The following CREB5 variants were observed in gnomAD, a reference collection of about 807,000 sequenced individuals.
CREB5 encodes the protein cyclic AMP-responsive element-binding protein 5.
CREB5 carries 19 observed loss-of-function variants against 57.1 expected under a neutral mutation model. That is an observed-to-expected ratio of 0.33 (90% CI 0.23 to 0.49). The LOEUF (loss-of-function observed/expected upper bound fraction) is 0.49. CREB5 is among the 20% of genes least tolerant of loss of function. The probability of loss-of-function intolerance (pLI) is 0.99; values close to 1 mark genes in which losing one functional copy is unlikely to be tolerated. For synonymous variants in CREB5, 238 were observed against 238.3 expected, an observed-to-expected ratio of 1.00 and a Z score of 0.01; for missense variants, 579 against 671.6, an observed-to-expected ratio of 0.86 and a Z score of 1.52.
chr7:28,392,448 G>A (rs1327992679), intron 1 of CREB5, among the ~76,000 whole-genome samples: 2 of 151,868 alleles, frequency 1.3e-5, no homozygotes, highest in Admixed American at 6.6e-5. Context: ...AAATAATTGC[G>A]GTTTTTGGTA....
intron 1 of CREB5, among the ~76,000 whole-genome samples, chr7:28,333,073 A>C (rs1483598510): frequency 6.6e-6 from 1 of 152,220 alleles, no homozygotes; most frequent in Non-Finnish European, 1.5e-5. Context: ...CTCTGTAATT[A>C]ACTAAAACCC....
chr7:28,445,387 T>C (rs1789392423), intron 1 of CREB5, among the ~76,000 whole-genome samples: 1 of 152,144 alleles, frequency 6.6e-6, no homozygotes, highest in South Asian at 2.1e-4. Context: ...TCAGATAGGC[T>C]CTGCCTATCA....
intron 5 of CREB5, among the ~76,000 whole-genome samples, chr7:28,685,596 T>C (rs10255031): frequency 0.061 from 9,251 of 151,934 alleles, 970 homozygotes; most frequent in African/African-American, 0.21. Flanking sequence ...CCTGCCATCT[T>C]TCACTCCCTG....
chr7:28,341,919 T>A (rs1785944797), intron 1 of CREB5, among the ~76,000 whole-genome samples: 1 of 152,120 alleles, frequency 6.6e-6, no homozygotes, highest in Non-Finnish European at 1.5e-5. Context: ...GAAAGTGAGG[T>A]TTTGAGTTGA....
intron 9 of CREB5, among the ~76,000 whole-genome samples, chr7:28,816,643 A>G (rs1368798278): frequency 6.6e-6 from 1 of 152,248 alleles, no homozygotes; most frequent in Admixed American, 6.5e-5. Flanking sequence ...CAAGAAATTT[A>G]GAAATGGGAG....
chr7:28,671,419 C>T lies in CREB5; in HGVS notation c.465-47334C>T, dbSNP rs141107779. The stretch of plus-strand genomic sequence containing the variant: ...CTCTTATCGCTTGCTTTAGCATAAG[C>T]ATAATTTTGGGTAACTTGGGTGACT... On this transcript the variant is annotated intron_variant, in intron 5 of 10. Coordinates refer to ENST00000357727, the MANE Select transcript of CREB5 (RefSeq NM_182898.4). 7.9e-5 allele frequency among the ~76,000 whole-genome samples: 12 copies of T among 152,214 alleles called. No individual in the cohort carries two copies. In the South Asian group the frequency reaches 1.9e-3, roughly 24 times the overall value.
In CREB5 at chr7:28,560,919, T is replaced by TGCGTGCGCGCGCGCGTGC. The variant is rs1562797827; in HGVS notation, c.292-9445_292-9444insCGTGCGCGCGCGCGTGCG. Reference sequence around the variant, plus strand: ...GTGCGTGCGCGCGTGCGTGTGCGTGTGTGCGCGTGCGTGTGTGCGTGCGTG... The same window carrying TGCGTGCGCGCGCGCGTGC: ...GTGCGTGCGCGCGTGCGTGTGCGTGTGCGTGCGCGCGCGCGTGCGTGCGCGTGCGTGTGTGCGTGCGTG... On this transcript the variant is annotated intron_variant, in intron 4 of 10. Coordinates refer to ENST00000357727, the MANE Select transcript of CREB5 (RefSeq NM_182898.4). Among the ~76,000 whole-genome samples, 181 of 42,952 alleles carry TGCGTGCGCGCGCGCGTGC rather than the reference T, an allele frequency of 4.2e-3. 7 individuals carry two copies. Among genetic ancestry groups the TGCGTGCGCGCGCGCGTGC allele is most frequent in the African/African-American group, 9.0e-3 (86 of 9,556 alleles). 28.2% of individuals were successfully genotyped at this position (42,952 alleles called of 152,430 possible).
chr7:28,453,213 G>A (rs1447122611), intron 1 of CREB5, among the ~76,000 whole-genome samples: 1 of 152,154 alleles, frequency 6.6e-6, no homozygotes, highest in Non-Finnish European at 1.5e-5. Flanking sequence ...CAAGGTGGGA[G>A]GATTGCTTGA....
At chr7:28,414,452 A>T (rs1787947737) in intron 1 of CREB5, among the ~76,000 whole-genome samples, 1 of 152,174 alleles carries the variant, frequency 6.6e-6, no homozygotes, top group Non-Finnish European at 1.5e-5. Flanking sequence ...ATTCTATTTA[A>T]GAAAATTATA....
chr7:28,442,958 A>T (rs897647381), intron 1 of CREB5, among the ~76,000 whole-genome samples: 1 of 152,224 alleles, frequency 6.6e-6, no homozygotes, highest in African/African-American at 2.4e-5. Context: ...AATAGAAGCT[A>T]ATTTTAATTG....
chr7:28,709,305 GA>G (rs199911234), intron 5 of CREB5, among the ~76,000 whole-genome samples: 29 of 149,970 alleles, frequency 1.9e-4, no homozygotes, highest in African/African-American at 3.4e-4. Context: ...TCTTTATAAG[GA>G]AAAAAAAATC....
chr7:28,623,134 C>G (rs41290), intron 5 of CREB5, among the ~76,000 whole-genome samples: 1,714 of 152,276 alleles, frequency 0.011, 17 homozygotes, highest in African/African-American at 0.039. Flanking sequence ...CCAGCTGCCT[C>G]AGCCTCCCAA....
chr7:28,366,136 G>T (rs1303007341), intron 1 of CREB5, among the ~76,000 whole-genome samples: 1 of 151,656 alleles, frequency 6.6e-6, no homozygotes, highest in Non-Finnish European at 1.5e-5. Context: ...AACTTCACCC[G>T]CAAAAAATTT....
intron 1 of CREB5, among the ~76,000 whole-genome samples, chr7:28,441,666 C>G (rs4722796): frequency 0.23 from 35,504 of 152,004 alleles, 4,779 homozygotes; most frequent in Middle Eastern, 0.35. Flanking sequence ...TGTAAGTTAC[C>G]ATCATGTTTA....
chr7:28,628,496 G>A (rs1334006159), intron 5 of CREB5, among the ~76,000 whole-genome samples: 1 of 152,110 alleles, frequency 6.6e-6, no homozygotes, highest in Admixed American at 6.5e-5. Context: ...CTTCTCTGGA[G>A]CCCAGGGGAC....
At chr7:28,778,967 C>G (rs1806818667) in intron 7 of CREB5, 1 of 152,148 alleles carries the variant, frequency 6.6e-6, no homozygotes, top group Non-Finnish European at 1.5e-5. Context: ...ACCCGCCATG[C>G]CAAGACAGAG....
chr7:28,694,190 C>G (rs1418123045), intron 5 of CREB5, among the ~76,000 whole-genome samples: 2 of 152,164 alleles, frequency 1.3e-5, no homozygotes, highest in African/African-American at 4.8e-5. Context: ...CAACACTTTG[C>G]AATAAAGGAC....
At chr7:28,656,741 C>A (rs1281397213) in intron 5 of CREB5, among the ~76,000 whole-genome samples, 2 of 152,344 alleles carry the variant, frequency 1.3e-5, no homozygotes, top group South Asian at 2.1e-4. Flanking sequence ...CACTTTCATG[C>A]ATCTCGAGAG....
chr7:28,557,221 G>T (rs1794914667), intron 4 of CREB5, among the ~76,000 whole-genome samples: 2 of 128,366 alleles, frequency 1.6e-5, no homozygotes, highest in African/African-American at 2.8e-5. Context: ...AGTCTTCTCA[G>T]ACTAAAGCAT....
Sources: allele counts gnomAD v4.1 joint callset (sites outside exome capture counted in the v4.1 genomes callset), GRCh38; gene constraint gnomAD v4.1.1; transcripts MANE v1.5; gene names NCBI Gene and HGNC (gene_info 2026-07-23, HGNC 2026-07-21).